Variants in CPEB1 observed in about 807,000 individuals in gnomAD.
CPEB1 encodes the protein cytoplasmic polyadenylation element binding protein 1, also known as cytoplasmic polyadenylation element-binding protein 1.
In CPEB1, 7 loss-of-function variants were observed where a neutral mutation model predicts 65.8. The observed-to-expected ratio is 0.11, with a 90% CI of 0.06 to 0.20. The LOEUF is 0.20. Ranked by LOEUF, CPEB1 falls within the 10% of genes least tolerant of loss-of-function variation. The pLI is 1.00. For missense variants in CPEB1, 551 were observed against 712.2 expected, an observed-to-expected ratio of 0.77 and a Z score of 2.58; for synonymous variants, 262 against 260.0, an observed-to-expected ratio of 1.01 and a Z score of -0.08.
chr15:82,589,821 G>A (rs2042077649), intron 3 of CPEB1, among the ~76,000 whole-genome samples: 1 of 151,984 alleles, frequency 6.6e-6, no homozygotes, highest in African/African-American at 2.4e-5. Context: ...TTTAAAATGT[G>A]TCCATATTAA....
intron 3 of CPEB1, among the ~76,000 whole-genome samples, chr15:82,623,826 T>C (rs112537272): frequency 1.3e-5 from 2 of 152,334 alleles, no homozygotes; most frequent in African/African-American, 4.8e-5. Context: ...CTTTTTTTCA[T>C]TTCAGACACT....
rs1342622168 is a variant in CPEB1 at position 82,543,256 on chromosome 15, A to C, written c.*1336T>G. On this transcript the variant is annotated 3_prime_UTR_variant, in exon 13 of 13. Coordinates refer to ENST00000684509, the MANE Select transcript of CPEB1 (RefSeq NM_001365242.1). ...AAAACTACACCACAGCTTACTCCAC[A>C]CATCTGTAGGAGAGTGCAGTCTTGC... 1 of 152,582 alleles carries C rather than the reference A, an allele frequency of 6.6e-6. No individual in the cohort carries two copies. The highest frequency in any genetic ancestry group is 2.4e-5 in the African/African-American group (1 of 41,416). The allele number at this position is 152,582 out of a possible 1,614,324, so 9.5% of individuals were successfully genotyped here.
Position 82,647,157 on chromosome 15 carries a change from G to A in CPEB1, c.-118C>T, listed in dbSNP as rs2047638663. The A allele has an allele frequency of 6.6e-6, 1 of 152,332 alleles. No homozygotes were observed. Among genetic ancestry groups the A allele is most frequent in the Non-Finnish European group, 1.5e-5 (1 of 68,238 alleles). The allele number at this position is 152,332 out of a possible 1,614,324, so 9.4% of individuals were successfully genotyped here. ...CCCACCTCAATGCCGCCAGCCCGGC[G>A]GGTCTCCCGGGCACGAAGCCCCGCC... On this transcript the variant is annotated 5_prime_UTR_variant, in exon 1 of 13. Transcript: ENST00000684509.
At chr15:82,643,498 G>A (rs587656500) in intron 1 of CPEB1, among the ~76,000 whole-genome samples, 2 of 152,046 alleles carry the variant, frequency 1.3e-5, no homozygotes, top group South Asian at 2.1e-4. Flanking sequence ...GCGTGGTGGC[G>A]CGTGCCTATA....
intron 3 of CPEB1, among the ~76,000 whole-genome samples, chr15:82,601,278 C>T (rs1037357443): frequency 6.6e-5 from 10 of 151,422 alleles, no homozygotes; most frequent in Non-Finnish European, 1.5e-4. Context: ...CGGTGGCTCA[C>T]GCCTGTAATC....
intron 3 of CPEB1, among the ~76,000 whole-genome samples, chr15:82,587,531 C>G (rs1439187286): frequency 1.3e-5 from 2 of 152,188 alleles, no homozygotes; most frequent in African/African-American, 4.8e-5. Flanking sequence ...TACAAGACGA[C>G]AGCTGCATGA....
chr15:82,645,798 G>T (rs587673524), intron 1 of CPEB1, among the ~76,000 whole-genome samples: 68 of 152,170 alleles, frequency 4.5e-4, no homozygotes, highest in African/African-American at 1.6e-3. Flanking sequence ...AACCCGGGAG[G>T]CGGAGGCTGC....
chr15:82,562,727 C>A (rs2038438135), intron 4 of CPEB1, among the ~76,000 whole-genome samples: 1 of 151,638 alleles, frequency 6.6e-6, no homozygotes, highest in African/African-American at 2.4e-5. Context: ...CCCAGTTACT[C>A]AGGAGGCTGA....
chr15:82,636,730 T>C (rs1321877180), intron 1 of CPEB1, among the ~76,000 whole-genome samples: 1 of 152,166 alleles, frequency 6.6e-6, no homozygotes, highest in African/African-American at 2.4e-5. Flanking sequence ...CCCAGAATAG[T>C]ATCTGCTGCA....
intron 3 of CPEB1, among the ~76,000 whole-genome samples, chr15:82,625,867 C>T (rs369535307): frequency 6.6e-6 from 1 of 152,264 alleles, no homozygotes; most frequent in East Asian, 1.9e-4. Context: ...GCCTGTAATC[C>T]CAGCACTTTG....
intron 10 of CPEB1, 52 bp from the exon 11 acceptor site, chr15:82,547,289 CTTTTTTTTTTTTTTT>C (rs71156035): frequency 1.8e-5 from 7 of 389,222 alleles, no homozygotes; most frequent in Non-Finnish European, 3.0e-5. Flanking sequence ...CCAAATGCTA[CTTTTTTTTTTTTTTT>C]TTTTTTTTTT....
chr15:82,568,978 A>T (rs1049564494), intron 4 of CPEB1, among the ~76,000 whole-genome samples: 3 of 152,220 alleles, frequency 2.0e-5, no homozygotes, highest in Admixed American at 6.5e-5. Flanking sequence ...GCAGAGCTCA[A>T]GGAATAAGCT....
intron 3 of CPEB1, among the ~76,000 whole-genome samples, chr15:82,576,343 C>G (rs977364447): frequency 2.0e-5 from 3 of 152,120 alleles, no homozygotes; most frequent in African/African-American, 7.2e-5. Context: ...TGAGGTGATG[C>G]TAACAGTGTG....
chr15:82,579,477 T>C (rs1210541529), intron 3 of CPEB1, among the ~76,000 whole-genome samples: 1 of 139,058 alleles, frequency 7.2e-6, no homozygotes, highest in East Asian at 2.2e-4. Flanking sequence ...AGAATAAAAC[T>C]TTATCAAGAT....
At chr15:82,597,243 T>C (rs771081370) in intron 3 of CPEB1, among the ~76,000 whole-genome samples, 2 of 152,182 alleles carry the variant, frequency 1.3e-5, no homozygotes, top group South Asian at 2.1e-4. Flanking sequence ...GGAGGATCAA[T>C]TGGGCCTGGA....
intron 3 of CPEB1, among the ~76,000 whole-genome samples, chr15:82,620,592 G>A (rs1203444356): frequency 1.3e-5 from 2 of 152,012 alleles, no homozygotes; most frequent in East Asian, 3.9e-4. Context: ...AAGCCCAAGA[G>A]TCCAAGACCA....
intron 1 of CPEB1, among the ~76,000 whole-genome samples, chr15:82,631,980 C>CT (rs2046287527): frequency 1.0e-5 from 1 of 95,358 alleles, no homozygotes. Flanking sequence ...TTATTTTTTT[C>CT]TCTTTTTTTT....
intron 3 of CPEB1, among the ~76,000 whole-genome samples, chr15:82,585,982 T>C (rs913905995): frequency 4.6e-5 from 7 of 152,112 alleles, no homozygotes; most frequent in Non-Finnish European, 1.0e-4. Context: ...AAAAAAAAGT[T>C]ACAGCTCTTG....
At chr15:82,556,367 A>C (rs2037202812) in intron 5 of CPEB1, 1 of 420,934 alleles carries the variant, frequency 2.4e-6, no homozygotes, top group Non-Finnish European at 4.1e-6. Context: ...TGCATTTATC[A>C]TATTCTATTT....
Sources: gnomAD v4.1 joint callset for allele counts (sites outside exome capture counted in the v4.1 genomes callset) on GRCh38, gnomAD v4.1.1 for gene constraint, MANE v1.5 for transcripts, NCBI Gene and HGNC (gene_info 2026-07-23, HGNC 2026-07-21) for gene names.